The following PCDHA7 variants were observed in gnomAD, a reference collection of about 807,000 sequenced individuals.
PCDHA7 encodes the protein protocadherin alpha 7.
A neutral mutation model predicts 57.2 loss-of-function variants in PCDHA7; 37 were observed. The observed-to-expected ratio is 0.65, with a 90% CI of 0.50 to 0.85. The LOEUF (loss-of-function observed/expected upper bound fraction) is 0.85, where lower values mean the gene tolerates loss of function less well. Among genes scored for constraint, PCDHA7 ranks in the 40% least tolerant of loss-of-function variants. The probability of loss-of-function intolerance (pLI) is 0.00; values close to 1 mark genes in which losing one functional copy is unlikely to be tolerated. For missense variants in PCDHA7, 1,188 were observed against 1,241.8 expected, an observed-to-expected ratio of 0.96 and a Z score of 0.65; for synonymous variants, 553 against 558.8, an observed-to-expected ratio of 0.99 and a Z score of 0.15.
At chr5:140,843,084 G>A (rs2150352183) in intron 1 of PCDHA7, 6 of 1,595,554 alleles carry the variant, frequency 3.8e-6, no homozygotes, top group South Asian at 3.3e-5. Context: ...GTGGGCGCGG[G>A]CCACGTGGTA....
chr5:140,880,528 A>T lies in PCDHA7; in HGVS notation c.2355+43790A>T, dbSNP rs539592135. ...GTTTGGTCACATCTCTCAATGTGTGAATCATCTGAAAGTGAACTGATGGAA... is the reference window on the plus strand; with the variant it reads ...GTTTGGTCACATCTCTCAATGTGTGTATCATCTGAAAGTGAACTGATGGAA... On this transcript the variant is annotated intron_variant, in intron 1 of 3. Coordinates refer to ENST00000525929, the MANE Select transcript of PCDHA7 (RefSeq NM_018910.3). 7.9e-5 allele frequency among the ~76,000 whole-genome samples: 12 copies of T among 152,354 alleles called. No homozygotes were observed. The East Asian group carries it at 2.3e-3, about 29-fold the overall frequency.
chr5:140,834,687 T>C lies in PCDHA7; in HGVS notation c.304T>C (p.Cys102Arg). The change falls in exon 1 of 4, where the codon TGC (cysteine) becomes CGC (arginine). Residue 102 changes from cysteine to arginine, a missense_variant. Physicochemically the swap from Cys to Arg is radical, Grantham distance 180 (BLOSUM62 -3). This residue lies in a region of PCDHA7 where 194 missense variants were observed against 185.8 expected (regional missense o/e 1.04). Transcript: ENST00000525929. ...REELCGRSAE[C>R]SIHLEVIVER... Reference sequence around the variant, plus strand: ...GGAGCTGTGCGGGCGGAGCGCGGAGTGCAGCATCCACCTGGAGGTGATCGT... The same window carrying C: ...GGAGCTGTGCGGGCGGAGCGCGGAGCGCAGCATCCACCTGGAGGTGATCGT... The C allele has an allele frequency of 1.2e-6, 2 of 1,614,150 alleles. No individual in the cohort carries two copies. The highest frequency in any genetic ancestry group is 1.7e-6 in the Non-Finnish European group (2 of 1,180,042).
Position 140,845,283 on chromosome 5 carries a change from C to G in PCDHA7, c.2355+8545C>G, listed in dbSNP as rs1279149286. ...TTTTCCTTTGTGAAAGTAATATTTC[C>G]TATCCTGTCTATGTCTACCTGGTTC... On this transcript the variant is annotated intron_variant, in intron 1 of 3. Coordinates refer to ENST00000525929, the MANE Select transcript of PCDHA7 (RefSeq NM_018910.3). Among the ~76,000 whole-genome samples, 6 of 149,008 alleles carry G rather than the reference C, an allele frequency of 4.0e-5. No individual in the cohort carries two copies. The South Asian group carries it at 1.1e-3, about 26-fold the overall frequency.
chr5:140,949,639 T>C (rs1563239072), intron 1 of PCDHA7, among the ~76,000 whole-genome samples: 1 of 152,036 alleles, frequency 6.6e-6, no homozygotes, highest in East Asian at 1.9e-4. Flanking sequence ...ATATTGCTTT[T>C]TGTTCATTTT....
chr5:140,866,610 G>A (rs1177328697), intron 1 of PCDHA7: 2 of 152,124 alleles, frequency 1.3e-5, no homozygotes, highest in Admixed American at 1.3e-4. Context: ...TGGTTTTGGA[G>A]AACCTCCTGG....
At chr5:140,892,891 C>T (rs563104545) in intron 1 of PCDHA7, among the ~76,000 whole-genome samples, 1 of 152,264 alleles carries the variant, frequency 6.6e-6, no homozygotes, top group South Asian at 2.1e-4. Context: ...ATTAACCAAC[C>T]TTTCCCCATC....
chr5:140,920,400 T>C (rs1185930806), intron 1 of PCDHA7, among the ~76,000 whole-genome samples: 1 of 152,244 alleles, frequency 6.6e-6, no homozygotes, highest in Non-Finnish European at 1.5e-5. Context: ...TGGTGTCTTT[T>C]TTTAATCAGA....
chr5:140,853,692 C>G, intron 1 of PCDHA7: 1 of 987,924 alleles, frequency 1.0e-6, no homozygotes, highest in Non-Finnish European at 1.2e-6. Context: ...ATCCTTAGAC[C>G]TGCTAACGCA....
intron 1 of PCDHA7, among the ~76,000 whole-genome samples, chr5:140,959,620 G>GA (rs1247214459): frequency 4.6e-5 from 7 of 151,966 alleles, no homozygotes; most frequent in African/African-American, 1.4e-4. Context: ...GCTTGTGATA[G>GA]AAAAAAAGAG....
Position 140,870,545 on chromosome 5 carries a change from C to T in PCDHA7, c.2355+33807C>T, listed in dbSNP as rs1029944968. The T allele has an allele frequency of 1.2e-6, 2 of 1,614,108 alleles. No individual in the cohort carries two copies. Among genetic ancestry groups the T allele is most frequent in the Admixed American group, 1.7e-5 (1 of 60,034 alleles). On this transcript the variant is annotated intron_variant, in intron 1 of 3. Coordinates refer to ENST00000525929, the MANE Select transcript of PCDHA7 (RefSeq NM_018910.3). The stretch of plus-strand genomic sequence containing the variant: ...ATCTTCACAGTGTCGGCGCGGGACG[C>T]GGACGCGCAGGAGAACGCGCTGGTG...
chr5:140,870,469 C>T, intron 1 of PCDHA7: 1 of 1,614,246 alleles, frequency 6.2e-7, no homozygotes. Context: ...TGCGTTCGCA[C>T]AGCCCGAGTA....
chr5:140,927,460 G>A, intron 1 of PCDHA7: 2 of 1,614,148 alleles, frequency 1.2e-6, no homozygotes, highest in South Asian at 1.1e-5. Context: ...GTTGGAGAAA[G>A]CACTGGATCG....
chr5:140,998,987 G>A (rs1381033392), intron 3 of PCDHA7, among the ~76,000 whole-genome samples: 1 of 152,234 alleles, frequency 6.6e-6, no homozygotes. Context: ...ATAGTAGAAA[G>A]CAGAATGCTG....
At chr5:140,877,599 C>T (rs1325384029) in intron 1 of PCDHA7, 5 of 1,613,882 alleles carry the variant, frequency 3.1e-6, no homozygotes, top group East Asian at 2.2e-5. Context: ...CGGTGTCCAG[C>T]CTGCTGGTGC....
rs2150406668 is a variant in PCDHA7, at chr5:140,848,164, G to C, written c.2355+11426G>C. ...TAGAGGCAGTCAGTCTGCTAAGAAG[G>C]CTCCAGCAAGAGAAACGGGATCTTC... On this transcript the variant is annotated intron_variant, in intron 1 of 3. Transcript: ENST00000525929. 62 of 251,046 alleles carry C rather than the reference G, an allele frequency of 2.5e-4. 5 individuals are homozygous for C. Among genetic ancestry groups the C allele is most frequent in the African/African-American group, 1.2e-3 (56 of 44,864 alleles). The allele number at this position is 251,046 out of a possible 1,614,324, so 15.6% of individuals were successfully genotyped here.
chr5:140,928,132 C>T (rs1563101702), intron 1 of PCDHA7: 1 of 1,614,100 alleles, frequency 6.2e-7, no homozygotes, highest in Non-Finnish European at 8.5e-7. Flanking sequence ...ATACCAAGTC[C>T]TGATCACGGC....
chr5:140,952,923 C>T (rs1554220692), intron 1 of PCDHA7, among the ~76,000 whole-genome samples: 1 of 151,990 alleles, frequency 6.6e-6, no homozygotes, highest in East Asian at 1.9e-4. Context: ...ATGGCATGAG[C>T]AGGAGCAGGA....
chr5:140,997,100 T>G (rs1286807919), intron 3 of PCDHA7, among the ~76,000 whole-genome samples: 1 of 152,170 alleles, frequency 6.6e-6, no homozygotes, highest in Non-Finnish European at 1.5e-5. Flanking sequence ...AGAGTTCTCA[T>G]GCACTCCTGC....
intron 1 of PCDHA7, among the ~76,000 whole-genome samples, chr5:140,937,282 C>T (rs2091446146): frequency 6.6e-6 from 1 of 152,060 alleles, no homozygotes; most frequent in Admixed American, 6.6e-5. Context: ...CGTGATTCAC[C>T]CGCTTCGGCC....
Sources: allele counts gnomAD v4.1 joint callset (sites outside exome capture counted in the v4.1 genomes callset), GRCh38; gene constraint gnomAD v4.1.1; regional missense constraint gnomAD v4.1.1; transcripts MANE v1.5; gene names NCBI Gene and HGNC (gene_info 2026-07-23, HGNC 2026-07-21).